STAU1: variants seen among roughly 807,000 people sequenced by gnomAD.
STAU1 encodes the protein double-stranded RNA-binding protein Staufen homolog 1.
Under a neutral mutation model 62.9 loss-of-function variants are expected in STAU1, and 13 were observed. That is an observed-to-expected ratio of 0.21 (90% CI 0.13 to 0.33). The LOEUF (loss-of-function observed/expected upper bound fraction) is 0.33. Among genes scored for constraint, STAU1 ranks in the 10% least tolerant of loss-of-function variants. The pLI is 1.00. For synonymous variants in STAU1, 269 were observed against 265.1 expected (o/e 1.01, Z -0.14); for missense variants, 571 against 712.1 (o/e 0.80, Z 2.25).
rs146883761 is a variant in STAU1, at chr20:49,136,758, C to T, written c.511-827G>A. ...TGTTGCCCAGGATGGAGTGCAGTGG[C>T]GCGATTTTGGCTCACTGCTACCTCC... On this transcript the variant is annotated intron_variant, in intron 5 of 13. Coordinates refer to ENST00000371856, the MANE Select transcript of STAU1 (RefSeq NM_017453.4). 2.0e-3 allele frequency among the ~76,000 whole-genome samples: 307 copies of T among 151,856 alleles called. 1 individual carries two copies. Among genetic ancestry groups the T allele is most frequent in the African/African-American group, 7.0e-3 (289 of 41,362 alleles).
the STAU1 span, among the ~76,000 whole-genome samples, chr20:49,217,786 G>C: frequency 6.7e-6 from 1 of 149,610 alleles, no homozygotes; most frequent in Non-Finnish European, 1.5e-5. Context: ...GGTGGAGGCT[G>C]CAGTAAGCCG....
At chr20:49,163,785 G>A (rs1190306030) in intron 3 of STAU1, among the ~76,000 whole-genome samples, 1 of 151,836 alleles carries the variant, frequency 6.6e-6, no homozygotes, top group Non-Finnish European at 1.5e-5. Flanking sequence ...TTTTTGTTTT[G>A]AGTCAGTCTC....
At chr20:49,197,014 G>T in the STAU1 span, among the ~76,000 whole-genome samples, 1 of 151,882 alleles carries the variant, frequency 6.6e-6, no homozygotes, top group Non-Finnish European at 1.5e-5. Flanking sequence ...AATTAGCCAG[G>T]CGTGGCGGCA....
chr20:49,124,125 G>T (rs1438698668), intron 7 of STAU1, among the ~76,000 whole-genome samples: 1 of 152,168 alleles, frequency 6.6e-6, no homozygotes, highest in Non-Finnish European at 1.5e-5. Flanking sequence ...CACTGTGATC[G>T]CCAGGGCTGT....
At position 49,117,204 on chromosome 20, in the gene STAU1, T is replaced by C. The variant is rs1241392002; in HGVS notation, c.1554A>G (p.Val518=). ...DFPKNNKNEF[V]SLINCSSQPP... is the part of the protein sequence containing the mutation. Reference sequence around the variant, plus strand: ...GCTGAGAGGAGCAATTGATAAGAGATACAAATTCGTTCTTGTTGTTTTTGG... The same window carrying C: ...GCTGAGAGGAGCAATTGATAAGAGACACAAATTCGTTCTTGTTGTTTTTGG... The change falls in exon 12 of 14, where the codon GTA becomes GTG. Residue 518 remains valine, a synonymous_variant. Coordinates refer to ENST00000371856, the MANE Select transcript of STAU1 (RefSeq NM_017453.4). This position sits in a 1 kb window ranked among gnomAD's most constrained non-coding sequence, Gnocchi z 4.6. 1.2e-6 allele frequency: 2 copies of C among 1,614,056 alleles called. No homozygotes were observed. Among genetic ancestry groups the C allele is most frequent in the African/African-American group, 1.3e-5 (1 of 74,924 alleles).
intron 2 of STAU1, among the ~76,000 whole-genome samples, chr20:49,168,104 G>A (rs1301890716): frequency 2.7e-5 from 4 of 145,734 alleles, no homozygotes; most frequent in East Asian, 2.0e-4. Context: ...TTTTTTTTCC[G>A]AGACAGAGCT....
At chr20:49,136,881 A>G (rs1396888524) in intron 5 of STAU1, among the ~76,000 whole-genome samples, 3 of 152,094 alleles carry the variant, frequency 2.0e-5, no homozygotes, top group Non-Finnish European at 4.4e-5. Flanking sequence ...TATTTTTAGT[A>G]GATACGGGGT....
At chr20:49,159,160 AACAC>A in intron 3 of STAU1, 1 of 1,083,460 alleles carries the variant, frequency 9.2e-7, no homozygotes, top group Non-Finnish European at 1.1e-6. Context: ...AAAAAAAAAA[AACAC>A]ACAAAGTTAT....
At chr20:49,152,162 A>G (rs2093263451) in intron 4 of STAU1, among the ~76,000 whole-genome samples, 2 of 152,222 alleles carry the variant, frequency 1.3e-5, no homozygotes, top group East Asian at 3.9e-4. Context: ...AAGGACCCTC[A>G]TTTCAAGAAA....
At chr20:49,123,813 G>A (rs1431694730) in intron 7 of STAU1, among the ~76,000 whole-genome samples, 2 of 152,268 alleles carry the variant, frequency 1.3e-5, no homozygotes, top group Non-Finnish European at 2.9e-5. Context: ...AGAAAAATTT[G>A]GATCTTGATA....
chr20:49,151,510 A>G, intron 5 of STAU1, 72 bp downstream of exon 5: 4 of 1,386,398 alleles, frequency 2.9e-6, no homozygotes, highest in Non-Finnish European at 3.8e-6. Flanking sequence ...AGAAAAGATA[A>G]TGTGCGGTGA....
At chr20:49,139,743 A>G (rs546410093) in intron 5 of STAU1, among the ~76,000 whole-genome samples, 1 of 152,012 alleles carries the variant, frequency 6.6e-6, no homozygotes, top group South Asian at 2.1e-4. Flanking sequence ...AAAAAAATCC[A>G]CAGTAAGATA....
intron 8 of STAU1, among the ~76,000 whole-genome samples, chr20:49,122,601 T>C (rs2092489699): frequency 6.6e-6 from 1 of 152,196 alleles, no homozygotes; most frequent in Non-Finnish European, 1.5e-5. Flanking sequence ...TATCAAATTA[T>C]TGCAAGCCAC....
chr20:49,141,120 A>G (rs147801643), intron 5 of STAU1, among the ~76,000 whole-genome samples: 48 of 152,284 alleles, frequency 3.2e-4, no homozygotes, highest in Non-Finnish European at 5.3e-4. Flanking sequence ...ACATGCCCCA[A>G]TTTTCAATGT....
chr20:49,142,470 A>G (rs2093031168), intron 5 of STAU1, among the ~76,000 whole-genome samples: 1 of 152,198 alleles, frequency 6.6e-6, no homozygotes, highest in African/African-American at 2.4e-5. Context: ...GGTTCCACGT[A>G]AGACTGATAG....
At chr20:49,162,876 A>G (rs1341639485) in intron 3 of STAU1, among the ~76,000 whole-genome samples, 1 of 152,028 alleles carries the variant, frequency 6.6e-6, no homozygotes, top group Non-Finnish European at 1.5e-5. Context: ...AGACTTTGTT[A>G]TAAGGTAACT....
At chr20:49,129,976 C>G (rs2092717188) in intron 6 of STAU1, among the ~76,000 whole-genome samples, 1 of 152,040 alleles carries the variant, frequency 6.6e-6, no homozygotes, top group Non-Finnish European at 1.5e-5. Context: ...CAAATCCACT[C>G]AAGTATTTAT....
intron 6 of STAU1, among the ~76,000 whole-genome samples, chr20:49,125,336 C>T (rs1162759968): frequency 6.6e-6 from 1 of 150,886 alleles, no homozygotes; most frequent in African/African-American, 2.4e-5. Context: ...CAAGACCAGC[C>T]TGGCCAACAT....
intron 2 of STAU1, among the ~76,000 whole-genome samples, chr20:49,170,220 T>C (rs144703921): frequency 9.6e-4 from 147 of 152,360 alleles, no homozygotes; most frequent in Admixed American, 2.9e-3. Flanking sequence ...CTTCTAGAAA[T>C]GGTTTACAGA....
Sources: gnomAD v4.1 joint callset for allele counts (sites outside exome capture counted in the v4.1 genomes callset) on GRCh38, gnomAD v4.1.1 for gene constraint, Gnocchi (gnomAD v3.1) non-coding constraint, MANE v1.5 for transcripts, NCBI Gene and HGNC (gene_info 2026-07-23, HGNC 2026-07-21) for gene names.